The following ARAP1 variants were observed in gnomAD, a reference collection of about 807,000 sequenced individuals.
ARAP1 encodes ArfGAP with RhoGAP domain, ankyrin repeat and PH domain 1.
Under a neutral mutation model 172.2 loss-of-function variants are expected in ARAP1, and 76 were observed. The ratio of observed to expected loss-of-function variants is 0.44; its 90% confidence interval spans 0.37 to 0.53. The LOEUF is 0.53. Among genes scored for constraint, ARAP1 ranks in the 20% least tolerant of loss-of-function variants. ARAP1 has a pLI of 0.00. For synonymous variants in ARAP1, 804 were observed against 803.3 expected (o/e 1.00, Z -0.01); for missense variants, 1,686 against 1,977.5 (o/e 0.85, Z 2.80).
At chr11:72,687,652 C>T in intron 32 of ARAP1, 36 bp downstream of exon 32, 1 of 1,614,156 alleles carries the variant, frequency 6.2e-7, no homozygotes, top group South Asian at 1.1e-5. Context: ...ACCATCTTTC[C>T]TCAGCCTGGG....
At chr11:72,728,425 C>CA (rs1466316936) in intron 2 of ARAP1, among the ~76,000 whole-genome samples, 1 of 151,882 alleles carries the variant, frequency 6.6e-6, no homozygotes, top group Non-Finnish European at 1.5e-5. Flanking sequence ...TACTAGAATA[C>CA]AAAAAATTAG....
intron 3 of ARAP1, among the ~76,000 whole-genome samples, chr11:72,723,860 C>T (rs1381807919): frequency 3.9e-5 from 6 of 152,344 alleles, no homozygotes; most frequent in Non-Finnish European, 7.4e-5. Flanking sequence ...GAGCTGCCAT[C>T]CTAATGGGCT....
Position 72,697,050 on chromosome 11 carries a change from G to A in ARAP1, c.3099C>T (p.Arg1033=), listed in dbSNP as rs760198795. ...GCCCATCAGGCAGGTCGCGCAGGAA[G>A]CGCTTGAGCGCCGAGGAAACATCAT... ...HVDDVSSALK[R]FLRDLPDGLF... is the part of the protein sequence containing the mutation. The change falls in exon 22 of 35, where the codon CGC becomes CGT. Residue 1033 remains arginine (R), a synonymous_variant. Transcript: ENST00000393609. 6.2e-6 allele frequency: 10 copies of A among 1,610,096 alleles called. No homozygotes were observed.
intron 22 of ARAP1, 121 bp downstream of exon 22, chr11:72,696,862 G>T: frequency 8.8e-7 from 1 of 1,130,262 alleles, no homozygotes; most frequent in Non-Finnish European, 1.2e-6. Context: ...GAGAAGCAGA[G>T]GCAGGCAACT....
intron 3 of ARAP1, among the ~76,000 whole-genome samples, chr11:72,715,522 CCCT>C (rs1857233198): frequency 6.6e-6 from 1 of 151,766 alleles, no homozygotes; most frequent in Non-Finnish European, 1.5e-5. Flanking sequence ...ACCAGTAACA[CCCT>C]TCTCCCTGTT....
rs1484393649 is a variant in ARAP1, at chr11:72,727,251, C to G, written c.-44-79G>C. On this transcript the variant is annotated intron_variant, in intron 2 of 34. Transcript: ENST00000393609. ...CCTCACCAGCAGCCTGCATGGCTCT[C>G]TCAAGCCATAGGTTCAAGTTCTGTC... 5.6e-6 allele frequency: 7 copies of G among 1,248,192 alleles called. No individual in the cohort carries two copies. In the Admixed American group the frequency reaches 2.0e-4, roughly 35 times the overall value. The allele number at this position is 1,248,192 out of a possible 1,614,324, so 77.3% of individuals were successfully genotyped here. A position where few individuals can be genotyped will look rare whatever the true frequency, so the allele number is the denominator to read the frequency against.
intron 3 of ARAP1, among the ~76,000 whole-genome samples, chr11:72,716,206 C>T (rs1010680690): frequency 6.9e-6 from 1 of 144,992 alleles, no homozygotes; most frequent in African/African-American, 2.6e-5. Flanking sequence ...GATCTTCATA[C>T]AAATTATTCT....
At position 72,695,859 on chromosome 11, in the gene ARAP1, C is replaced by A; in HGVS notation, c.3279G>T (p.Gln1093His). 6.2e-7 allele frequency: 1 copy of A among 1,611,750 alleles called. No individual in the cohort carries two copies. Reference sequence around the variant, plus strand: ...TCATCTGGTTCGTGTCTGAGAAGCACTGAACACTGGAGAGGGGAGGAGGAG... The same window carrying A: ...TCATCTGGTTCGTGTCTGAGAAGCAATGAACACTGGAGAGGGGAGGAGGAG... ...KALISHLYCV[Q>H]CFSDTNQMNV... Residue 1093 changes from glutamine (Q) to histidine (H), a missense_variant, in exon 24 of 35, where the codon CAG becomes CAT. This residue lies in a region of ARAP1 where 379 missense variants were observed against 500.1 expected (regional missense o/e 0.76). Transcript: ENST00000393609. This position sits in a 1 kb window ranked among gnomAD's most constrained non-coding sequence, Gnocchi z 4.4.
chr11:72,724,301 A>T (rs1857625420), intron 3 of ARAP1, among the ~76,000 whole-genome samples: 2 of 152,120 alleles, frequency 1.3e-5, no homozygotes, highest in African/African-American at 2.4e-5. Flanking sequence ...TCCACTGGGG[A>T]GCCTGGAGAT....
intron 1 of ARAP1, among the ~76,000 whole-genome samples, chr11:72,750,420 A>C (rs1273871982): frequency 6.6e-6 from 1 of 152,026 alleles, no homozygotes; most frequent in Non-Finnish European, 1.5e-5. Context: ...CGGAAAATGG[A>C]AGGGACTCCC....
chr11:72,712,371 C>T, intron 6 of ARAP1, 32 bp from the exon 7 acceptor site: 1 of 1,533,228 alleles, frequency 6.5e-7, no homozygotes, highest in Non-Finnish European at 8.8e-7. Flanking sequence ...GGGGGCCGGG[C>T]TGAGGAGGCA....
chr11:72,747,675 A>C (rs1332911980), intron 1 of ARAP1, among the ~76,000 whole-genome samples: 1 of 152,228 alleles, frequency 6.6e-6, no homozygotes, highest in African/African-American at 2.4e-5. Flanking sequence ...TCTCATCAGC[A>C]AAATGGGGTC....
chr11:72,709,740 C>T (rs1200780827), intron 11 of ARAP1, 130 bp downstream of exon 11: 1 of 927,504 alleles, frequency 1.1e-6, no homozygotes, highest in African/African-American at 1.6e-5. Context: ...AGAGGGGCTC[C>T]ACAGGTGGGG....
Position 72,722,394 on chromosome 11 carries a change from G to A in ARAP1, c.509+4226C>T, listed in dbSNP as rs896687670. ...CCCCCGGGGCAGACACTTCCTCCCC[G>A]CCCCCAGGCTGCACCCCCACCCAAG... On this transcript the variant is annotated intron_variant, in intron 3 of 34. Coordinates refer to ENST00000393609, the MANE Select transcript of ARAP1 (RefSeq NM_001040118.3). 1.8e-5 allele frequency: 18 copies of A among 979,338 alleles called. No individual in the cohort carries two copies. The Admixed American group carries it at 2.5e-4, about 13-fold the overall frequency. 60.7% of individuals were successfully genotyped at this position (979,338 alleles called of 1,614,324 possible). A position where few individuals can be genotyped will look rare whatever the true frequency, so the allele number is the denominator to read the frequency against.
In ARAP1 at chr11:72,702,915, G is replaced by A. The variant is rs1196251080; in HGVS notation, c.2157C>T (p.Asn719=). 1.3e-6 allele frequency: 2 copies of A among 1,554,534 alleles called. No homozygotes were observed. The highest frequency in any genetic ancestry group is 8.7e-7 in the Non-Finnish European group (1 of 1,148,694). Residue 719 remains asparagine (N), a synonymous_variant, in exon 15 of 35, where the codon AAC becomes AAT. Coordinates refer to ENST00000393609, the MANE Select transcript of ARAP1 (RefSeq NM_001040118.3). ...QTLQMEFLRN[N]RTTEVPRLDS... ...CTCTGCCACGCTCACCTGTGGTCCGGTTGTTCCGAAGGAATTCCATCTGCA... is the reference window on the plus strand; with the variant it reads ...CTCTGCCACGCTCACCTGTGGTCCGATTGTTCCGAAGGAATTCCATCTGCA...
chr11:72,703,630 T>G (rs536725345), intron 14 of ARAP1, among the ~76,000 whole-genome samples: 55 of 152,200 alleles, frequency 3.6e-4, no homozygotes, highest in African/African-American at 1.3e-3. Flanking sequence ...GGGGAGGGGC[T>G]GAAGGCCAAC....
Position 72,697,142 on chromosome 11 carries a change from G to T in ARAP1, c.3007C>A (p.Arg1003=). ...TCCTGCCGCAGGCTCTCCAGCAGCC[G>T]CTGTGTCTTCGATGTCTGCCCACAC... is the stretch of plus-strand genomic sequence containing the variant. ...RKCGQTSKTQ[R]LLESLRQDAR... is the part of the protein sequence containing the mutation. The change falls in exon 22 of 35, where the codon CGG becomes AGG. Residue 1003 remains arginine, a synonymous_variant. Transcript: ENST00000393609. 1 of 1,605,544 alleles carries T rather than the reference G, an allele frequency of 6.2e-7. No individual in the cohort carries two copies. The highest frequency in any genetic ancestry group is 8.5e-7 in the Non-Finnish European group (1 of 1,179,882).
chr11:72,746,499 G>A (rs1190111817), intron 1 of ARAP1, among the ~76,000 whole-genome samples: 1 of 152,208 alleles, frequency 6.6e-6, no homozygotes, highest in Non-Finnish European at 1.5e-5. Context: ...GGCTTTTTAG[G>A]CTCTCGGAAC....
intron 1 of ARAP1, among the ~76,000 whole-genome samples, chr11:72,751,512 G>C (rs964352029): frequency 6.6e-6 from 1 of 151,996 alleles, no homozygotes; most frequent in Non-Finnish European, 1.5e-5. Context: ...GACTCTCCGC[G>C]AACAGGTATC....
Sources: gnomAD v4.1 joint callset for allele counts (sites outside exome capture counted in the v4.1 genomes callset) on GRCh38, gnomAD v4.1.1 for gene constraint, gnomAD v4.1.1 regional missense constraint, Gnocchi (gnomAD v3.1) non-coding constraint, MANE v1.5 for transcripts, NCBI Gene and HGNC (gene_info 2026-07-23, HGNC 2026-07-21) for gene names.